ARHGAP31: variants seen among roughly 807,000 people sequenced by gnomAD.
ARHGAP31 encodes the protein Rho GTPase activating protein 31.
ARHGAP31 carries 34 observed loss-of-function variants against 113.9 expected under a neutral mutation model. The observed-to-expected ratio is 0.30, with a 90% CI of 0.23 to 0.40. The LOEUF (loss-of-function observed/expected upper bound fraction) is 0.40. Ranked by LOEUF, ARHGAP31 falls within the 10% of genes least tolerant of loss-of-function variation. ARHGAP31 has a pLI of 1.00. For synonymous variants in ARHGAP31, 650 were observed against 684.8 expected, an observed-to-expected ratio of 0.95 and a Z score of 0.79; for missense variants, 1,548 against 1,767.1, an observed-to-expected ratio of 0.88 and a Z score of 2.22.
chr3:119,393,627 A>G (rs1449630999), intron 8 of ARHGAP31, 36 bp downstream of exon 8: 1 of 1,612,674 alleles, frequency 6.2e-7, no homozygotes, highest in African/African-American at 1.3e-5. Flanking sequence ...TGATACAAAT[A>G]TTTGTTTCCT....
At chr3:119,394,833 A>G (rs1324349688) in intron 8 of ARHGAP31, among the ~76,000 whole-genome samples, 3 of 152,138 alleles carry the variant, frequency 2.0e-5, no homozygotes, top group Non-Finnish European at 4.4e-5. Flanking sequence ...AATTTGGGGA[A>G]CAAAGAGGGA....
At chr3:119,299,098 G>A (rs1004822992) in intron 1 of ARHGAP31, 6 of 152,220 alleles carry the variant, frequency 3.9e-5, no homozygotes, top group African/African-American at 1.4e-4. Flanking sequence ...ATTAAAAGGT[G>A]ATATTGCTTG....
At chr3:119,324,352 C>A (rs78604882) in intron 1 of ARHGAP31, among the ~76,000 whole-genome samples, 10,803 of 152,262 alleles carry the variant, frequency 0.071, 405 homozygotes, top group Non-Finnish European at 0.08. Flanking sequence ...TTACACTTGT[C>A]CTTTCTTGAA....
intron 1 of ARHGAP31, among the ~76,000 whole-genome samples, chr3:119,350,335 G>T (rs1167000210): frequency 6.6e-6 from 1 of 152,174 alleles, no homozygotes; most frequent in Non-Finnish European, 1.5e-5. Context: ...ATGCTGGTGT[G>T]GGGGCTGGGG....
chr3:119,306,098 A>G lies in ARHGAP31; in HGVS notation c.100+11094A>G, dbSNP rs965977852. On this transcript the variant is annotated intron_variant, in intron 1 of 11. Transcript: ENST00000264245. ...GGACCTCTCTTGTTAATCCTTGGGC[A>G]GCATTTCTCAAACTTTACTGGGCAT... is the stretch of plus-strand genomic sequence containing the variant. Among the ~76,000 whole-genome samples, 6 of 152,238 alleles carry G rather than the reference A, an allele frequency of 3.9e-5. No homozygotes were observed. In the East Asian group the frequency reaches 1.2e-3, roughly 29 times the overall value.
chr3:119,348,771 T>G, intron 1 of ARHGAP31, among the ~76,000 whole-genome samples: 1 of 152,188 alleles, frequency 6.6e-6, no homozygotes, highest in Non-Finnish European at 1.5e-5. Flanking sequence ...GCCATCCTTT[T>G]TTTTCTGAAT....
chr3:119,333,230 G>A (rs2079912401), intron 1 of ARHGAP31, among the ~76,000 whole-genome samples: 1 of 152,202 alleles, frequency 6.6e-6, no homozygotes, highest in Admixed American at 6.5e-5. Flanking sequence ...TTCAAAAAGG[G>A]ACTCTGAATT....
chr3:119,374,905 C>T (rs951994989), intron 3 of ARHGAP31, among the ~76,000 whole-genome samples: 1 of 152,080 alleles, frequency 6.6e-6, no homozygotes, highest in African/African-American at 2.4e-5. Flanking sequence ...ACAAACACAC[C>T]ATAATATAAA....
chr3:119,341,281 A>T (rs2080005772), intron 1 of ARHGAP31, among the ~76,000 whole-genome samples: 1 of 152,116 alleles, frequency 6.6e-6, no homozygotes, highest in South Asian at 2.1e-4. Context: ...AAGCCTGGAA[A>T]AGCTTCAGTG....
chr3:119,312,818 GA>G (rs2079694578), intron 1 of ARHGAP31, among the ~76,000 whole-genome samples: 1 of 152,182 alleles, frequency 6.6e-6, no homozygotes, highest in Admixed American at 6.5e-5. Context: ...TTGAGCACTT[GA>G]ATGTGGCTGG....
Position 119,294,407 on chromosome 3 carries a change from G to T in ARHGAP31, c.-498G>T, listed in dbSNP as rs1382363173. On this transcript the variant is annotated 5_prime_UTR_variant, in exon 1 of 12. Coordinates refer to ENST00000264245, the MANE Select transcript of ARHGAP31 (RefSeq NM_020754.4). The stretch of plus-strand genomic sequence containing the variant: ...GGAAGGCGTGAGGGCGGGCAGCAGC[G>T]ACAGGATGCTTGTTTTTCGCTCTAC... 7.4e-6 allele frequency: 3 copies of T among 403,138 alleles called. No homozygotes were observed. Among genetic ancestry groups the T allele is most frequent in the Non-Finnish European group, 1.3e-5 (3 of 229,818 alleles). 25.0% of individuals were successfully genotyped at this position (403,138 alleles called of 1,614,324 possible). A position where few individuals can be genotyped will look rare whatever the true frequency, so the allele number is the denominator to read the frequency against.
At position 119,328,744 on chromosome 3, in the gene ARHGAP31, G is replaced by A. The variant is rs149039189; in HGVS notation, c.100+33740G>A. Among the ~76,000 whole-genome samples the A allele has an allele frequency of 8.0e-3, 1,224 of 152,058 alleles. 12 individuals are homozygous for A. Among genetic ancestry groups the A allele is most frequent in the African/African-American group, 0.027 (1,114 of 41,460 alleles). ...CAACCTCCGCCTCCTGAGTTCAAGC[G>A]ATTCTCCTGCCTCAGCCTCTGGAGT... On this transcript the variant is annotated intron_variant, in intron 1 of 11. Transcript: ENST00000264245.
intron 1 of ARHGAP31, among the ~76,000 whole-genome samples, chr3:119,299,301 A>T (rs1279892995): frequency 2.0e-5 from 3 of 152,240 alleles, no homozygotes; most frequent in African/African-American, 7.2e-5. Context: ...GGCCTTAGCC[A>T]TTCAGAACGC....
intron 1 of ARHGAP31, among the ~76,000 whole-genome samples, chr3:119,330,280 A>C (rs553405401): frequency 1.3e-5 from 2 of 152,324 alleles, no homozygotes; most frequent in East Asian, 3.9e-4. Flanking sequence ...AGAGGATGGC[A>C]TGGCTGGATC....
chr3:119,303,054 T>C (rs1459703062), intron 1 of ARHGAP31, among the ~76,000 whole-genome samples: 1 of 152,226 alleles, frequency 6.6e-6, no homozygotes, highest in Admixed American at 6.5e-5. Context: ...GGGTCAGGTG[T>C]ACCCAATTTG....
At chr3:119,366,224 TA>T (rs2080251438) in intron 2 of ARHGAP31, among the ~76,000 whole-genome samples, 1 of 151,996 alleles carries the variant, frequency 6.6e-6, no homozygotes, top group Non-Finnish European at 1.5e-5. Context: ...TATAACATTT[TA>T]TTATTACCTA....
intron 8 of ARHGAP31, among the ~76,000 whole-genome samples, chr3:119,394,365 G>A (rs1402925755): frequency 6.6e-6 from 1 of 152,156 alleles, no homozygotes; most frequent in Non-Finnish European, 1.5e-5. Context: ...CTCCCCCAGG[G>A]TCGTGATTTT....
At chr3:119,354,528 G>A (rs990505522) in intron 1 of ARHGAP31, among the ~76,000 whole-genome samples, 2 of 150,848 alleles carry the variant, frequency 1.3e-5, no homozygotes, top group South Asian at 4.2e-4. Context: ...TGTGTGTGAG[G>A]CAGAGTTTCG....
At chr3:119,389,285 T>C (rs1035652314) in intron 6 of ARHGAP31, among the ~76,000 whole-genome samples, 3 of 152,184 alleles carry the variant, frequency 2.0e-5, no homozygotes, top group African/African-American at 7.2e-5. Context: ...GGCACTAAAC[T>C]TGGTCTTCTG....
Sources: gnomAD v4.1 joint callset for allele counts (sites outside exome capture counted in the v4.1 genomes callset) on GRCh38, gnomAD v4.1.1 for gene constraint, MANE v1.5 for transcripts, NCBI Gene and HGNC (gene_info 2026-07-23, HGNC 2026-07-21) for gene names.